The following NBEA variants were observed in gnomAD, a reference collection of about 807,000 sequenced individuals.
NBEA encodes the protein neurobeachin, also known as lysosomal-trafficking regulator 2.
A neutral mutation model predicts 343.4 loss-of-function variants in NBEA; 44 were observed. That is an observed-to-expected ratio of 0.13 (90% CI 0.10 to 0.16). The LOEUF is 0.16. Among genes scored for constraint, NBEA ranks in the 10% least tolerant of loss-of-function variants. The pLI, the probability that NBEA is intolerant of heterozygous loss-of-function variation, is 1.00. For synonymous variants in NBEA, 1,175 were observed against 1,238.7 expected, an observed-to-expected ratio of 0.95 and a Z score of 1.08; for missense variants, 2,555 against 3,631.3, an observed-to-expected ratio of 0.70 and a Z score of 7.62.
At chr13:35,051,824 T>G (rs1004554864) in intron 6 of NBEA, among the ~76,000 whole-genome samples, 17 of 152,042 alleles carry the variant, frequency 1.1e-4, no homozygotes, top group Admixed American at 9.9e-4. Context: ...GGATTGTGTG[T>G]TTTTAACAAA....
chr13:35,579,042 G>A (rs1283400624), intron 45 of NBEA, among the ~76,000 whole-genome samples: 14 of 151,784 alleles, frequency 9.2e-5, no homozygotes, highest in African/African-American at 3.1e-4. Flanking sequence ...TTTGGAATTT[G>A]GAGCATTCCA....
At chr13:35,433,708 T>A (rs992572943) in intron 39 of NBEA, among the ~76,000 whole-genome samples, 5 of 151,918 alleles carry the variant, frequency 3.3e-5, no homozygotes, top group African/African-American at 1.2e-4. Context: ...TGGAAAAAAA[T>A]TATAGTTTGT....
intron 1 of NBEA, among the ~76,000 whole-genome samples, chr13:35,014,749 A>C (rs945360291): frequency 6.6e-6 from 1 of 151,844 alleles, no homozygotes; most frequent in Non-Finnish European, 1.5e-5. Flanking sequence ...CCAGACAAAC[A>C]GGCCAATGTG....
rs566311968 is a variant in NBEA, at chr13:35,266,330, T to A, written c.5777-24059T>A. ...CTACCATATGATCTAGCAGTTTTTC[T>A]ACTGGGTATGTATCCAAAGGAAATT... On this transcript the variant is annotated intron_variant, in intron 34 of 58. Coordinates refer to ENST00000379939, the MANE Select transcript of NBEA (RefSeq NM_001385012.1). 2.0e-5 allele frequency among the ~76,000 whole-genome samples: 3 copies of A among 152,000 alleles called. No homozygotes were observed. The East Asian group carries it at 5.8e-4, about 29-fold the overall frequency.
At chr13:35,663,262 A>G (rs2085187887) in intron 55 of NBEA, among the ~76,000 whole-genome samples, 1 of 152,126 alleles carries the variant, frequency 6.6e-6, no homozygotes, top group Non-Finnish European at 1.5e-5. Context: ...CCCATTAACC[A>G]ACACCTTCCC....
intron 18 of NBEA, among the ~76,000 whole-genome samples, chr13:35,149,353 A>G (rs985504235): frequency 6.6e-6 from 1 of 152,000 alleles, no homozygotes; most frequent in African/African-American, 2.4e-5. Context: ...CTTTATGTAC[A>G]TTGTTTCAGA....
At chr13:35,661,298 T>C (rs2085079762) in intron 55 of NBEA, among the ~76,000 whole-genome samples, 2 of 152,278 alleles carry the variant, frequency 1.3e-5, no homozygotes, top group South Asian at 4.1e-4. Context: ...AGGACAGTAA[T>C]GTACTGTGAC....
rs758712775 is a variant in NBEA at position 35,056,025 on chromosome 13, A to G, written c.988A>G (p.Ile330Val). The change falls in exon 7 of 59, where the codon ATT (isoleucine) becomes GTT (valine). Residue 330 changes from isoleucine to valine, a missense_variant. Physicochemically the swap from Ile to Val is conservative, Grantham distance 29 (BLOSUM62 3). This residue lies in a region of NBEA where 75 missense variants were observed against 237.4 expected (regional missense o/e 0.32). Coordinates refer to ENST00000379939, the MANE Select transcript of NBEA (RefSeq NM_001385012.1). ...TTTATTTAAGTGGTACATGATCAGC[A>G]TTGTCCACATTTACAATCGATGGAG... is the stretch of plus-strand genomic sequence containing the variant. ...FQPRKWYMIS[I>V]VHIYNRWRNS... is the part of the protein sequence containing the mutation. The G allele has an allele frequency of 1.9e-6, 3 of 1,601,678 alleles. No homozygotes were observed. The highest frequency in any genetic ancestry group is 2.6e-6 in the Non-Finnish European group (3 of 1,173,276).
chr13:35,224,503 T>G (rs1041713219), intron 33 of NBEA, among the ~76,000 whole-genome samples: 2 of 152,194 alleles, frequency 1.3e-5, no homozygotes, highest in African/African-American at 4.8e-5. Flanking sequence ...TGGCCTATCT[T>G]CAAATTCACT....
chr13:35,161,753 G>A lies in NBEA; in HGVS notation c.3865G>A (p.Val1289Met). The A allele has an allele frequency of 1.2e-6, 2 of 1,608,510 alleles. No homozygotes were observed. The highest frequency in any genetic ancestry group is 1.7e-5 in the Admixed American group (1 of 59,350). The change falls in exon 23 of 59, where the codon GTG (valine) becomes ATG (methionine). Residue 1289 changes from valine to methionine, a missense_variant. This residue lies in a region of NBEA where 367 missense variants were observed against 377.5 expected (regional missense o/e 0.97). Coordinates refer to ENST00000379939, the MANE Select transcript of NBEA (RefSeq NM_001385012.1). ...AGTTCATCTTTTCCTTCTTTAGGCTGTGCAGGGTCGGTCTATCACCCAACA... is the reference window on the plus strand; with the variant it reads ...AGTTCATCTTTTCCTTCTTTAGGCTATGCAGGGTCGGTCTATCACCCAACA... ...KIQTTTTTQA[V>M]QGRSITQQDR...
At chr13:35,469,535 A>G (rs1001504812) in intron 40 of NBEA, among the ~76,000 whole-genome samples, 1 of 152,212 alleles carries the variant, frequency 6.6e-6, no homozygotes, top group Non-Finnish European at 1.5e-5. Flanking sequence ...TTACCACTTT[A>G]GATGGTGGAA....
intron 26 of NBEA, among the ~76,000 whole-genome samples, chr13:35,172,908 A>C (rs1371959344): frequency 2.0e-5 from 3 of 152,084 alleles, no homozygotes; most frequent in African/African-American, 7.2e-5. Context: ...TAAATGAATA[A>C]ATAAAAACAT....
chr13:35,369,006 G>A (rs539093832), intron 38 of NBEA, among the ~76,000 whole-genome samples: 4 of 151,792 alleles, frequency 2.6e-5, no homozygotes, highest in East Asian at 1.9e-4. Flanking sequence ...TCAGTGCTCC[G>A]AAGTGTTTGC....
intron 58 of NBEA, 119 bp from the exon 59 acceptor site, chr13:35,670,782 C>A: frequency 1.5e-6 from 1 of 683,194 alleles, no homozygotes; most frequent in Non-Finnish European, 2.5e-6. Context: ...ACTTGGCAAA[C>A]CTTGAGATCG....
At chr13:35,369,037 T>C (rs2041280853) in intron 38 of NBEA, among the ~76,000 whole-genome samples, 1 of 151,706 alleles carries the variant, frequency 6.6e-6, no homozygotes, top group Non-Finnish European at 1.5e-5. Context: ...TTGTAGTCAT[T>C]TTATAGCTTT....
intron 38 of NBEA, among the ~76,000 whole-genome samples, chr13:35,389,221 T>C (rs1594448481): frequency 6.6e-6 from 1 of 152,274 alleles, no homozygotes; most frequent in East Asian, 1.9e-4. Flanking sequence ...CAGCCTGTGG[T>C]ACTTATATGA....
intron 1 of NBEA, among the ~76,000 whole-genome samples, chr13:34,972,782 G>A (rs539623568): frequency 1.1e-4 from 16 of 152,210 alleles, no homozygotes; most frequent in Admixed American, 3.3e-4. Flanking sequence ...GATTACAGGC[G>A]TGAGCCACCA....
intron 33 of NBEA, among the ~76,000 whole-genome samples, chr13:35,230,720 C>A (rs1168394541): frequency 6.6e-6 from 1 of 151,938 alleles, no homozygotes; most frequent in Non-Finnish European, 1.5e-5. Flanking sequence ...TATTCGGTGA[C>A]TTCAGGTAGC....
At chr13:35,639,604 T>G (rs2083846288) in intron 49 of NBEA, among the ~76,000 whole-genome samples, 1 of 152,180 alleles carries the variant, frequency 6.6e-6, no homozygotes, top group Admixed American at 6.5e-5. Flanking sequence ...AAAAGCCTTG[T>G]AAGTAAGAGC....
Sources: allele counts gnomAD v4.1 joint callset (sites outside exome capture counted in the v4.1 genomes callset), GRCh38; gene constraint gnomAD v4.1.1; regional missense constraint gnomAD v4.1.1; transcripts MANE v1.5; gene names NCBI Gene and HGNC (gene_info 2026-07-23, HGNC 2026-07-21).